The following TARDBP variants were observed in gnomAD, a reference collection of about 807,000 sequenced individuals.
TARDBP encodes the protein TAR DNA binding protein, also known as TAR DNA-binding protein 43.
A neutral mutation model predicts 38.3 loss-of-function variants in TARDBP; 4 were observed. The ratio of observed to expected loss-of-function variants is 0.10; its 90% confidence interval spans 0.05 to 0.24. The LOEUF (loss-of-function observed/expected upper bound fraction) is 0.24. TARDBP is among the 10% of genes least tolerant of loss of function. The probability of loss-of-function intolerance (pLI) is 1.00; values close to 1 mark genes in which losing one functional copy is unlikely to be tolerated. For missense variants in TARDBP, 202 were observed against 521.9 expected, an observed-to-expected ratio of 0.39 and a Z score of 5.97; for synonymous variants, 184 against 183.8, an observed-to-expected ratio of 1.00 and a Z score of -0.01.
At chr1:11,018,629 C>T (rs1643576304) in intron 3 of TARDBP, 104 bp from the exon 4 acceptor site, 1 of 1,529,242 alleles carries the variant, frequency 6.5e-7, no homozygotes, top group Non-Finnish European at 9.1e-7. Flanking sequence ...TAAGCCACTG[C>T]ATCCAGTTGA....
Position 11,014,327 on chromosome 1 carries a change from T to G in TARDBP, c.238+362T>G, listed in dbSNP as rs576470033. On this transcript the variant is annotated intron_variant, in intron 2 of 5. Transcript: ENST00000240185. ...TGTCCTTTTGGTGTTACATCATTCA[T>G]TCAGCAAATCTGAGTTCATTTTTTC... Among the ~76,000 whole-genome samples the G allele has an allele frequency of 3.2e-4, 48 of 152,364 alleles. No homozygotes were observed. The East Asian group carries it at 7.5e-3, about 24-fold the overall frequency.
chr1:11,013,640 G>C, intron 1 of TARDBP, 76 bp from the exon 2 acceptor site: 1 of 1,229,808 alleles, frequency 8.1e-7, no homozygotes, highest in Non-Finnish European at 1.2e-6. Context: ...ACTCTGACAT[G>C]GTTTGGGTAT....
chr1:11,018,414 C>G, intron 3 of TARDBP: 1 of 384,488 alleles, frequency 2.6e-6, no homozygotes, highest in Non-Finnish European at 4.9e-6. Flanking sequence ...GTCCTGAACT[C>G]CTGTGCTCAA....
At chr1:11,019,528 G>T (rs1643593591) in intron 4 of TARDBP, among the ~76,000 whole-genome samples, 1 of 152,128 alleles carries the variant, frequency 6.6e-6, no homozygotes, top group African/African-American at 2.4e-5. Context: ...CTAGATGTGG[G>T]GTAGGCTATG....
chr1:11,025,855 T>G (rs775856588), downstream of TARDBP: 5 of 154,844 alleles, frequency 3.2e-5, no homozygotes, highest in Non-Finnish European at 7.3e-5. Flanking sequence ...AGATAATGTG[T>G]AACAGTAAGA....
In TARDBP at chr1:11,024,273, A is replaced by G. The variant is rs887344237; in HGVS notation, c.*1619A>G. 6.6e-6 allele frequency: 1 copy of G among 152,210 alleles called. No individual in the cohort carries two copies. Among genetic ancestry groups the G allele is most frequent in the South Asian group, 2.1e-4 (1 of 4,824 alleles). 9.4% of individuals were successfully genotyped at this position (152,210 alleles called of 1,614,324 possible). ...ATTTGTTCTTGCATTGGCCAAAGTG[A>G]AAATTTTTTTTTTTCTTTTGAAATC... On this transcript the variant is annotated 3_prime_UTR_variant, in exon 6 of 6. Coordinates refer to ENST00000240185, the MANE Select transcript of TARDBP (RefSeq NM_007375.4).
At chr1:11,030,115 G>C, downstream of TARDBP, 1 of 1,240,382 alleles carries the variant, frequency 8.1e-7, no homozygotes, top group Non-Finnish European at 1.2e-6. Flanking sequence ...TCTCCTCACT[G>C]TCTCCTACCC....
downstream of TARDBP, chr1:11,026,418 A>G (rs1643732348): frequency 6.5e-6 from 1 of 152,954 alleles, no homozygotes; most frequent in South Asian, 2.1e-4. Flanking sequence ...ATTTTAGTCA[A>G]TACCTGGGCT....
intron 5 of TARDBP, among the ~76,000 whole-genome samples, chr1:11,021,523 C>T (rs376638557): frequency 6.6e-6 from 1 of 152,154 alleles, no homozygotes; most frequent in South Asian, 2.1e-4. Context: ...GGTGATCCAC[C>T]CCCCTCAGCC....
At chr1:11,027,127 A>ACC (rs1643748859), downstream of TARDBP, 1 of 1,612,538 alleles carries the variant, frequency 6.2e-7, no homozygotes, top group African/African-American at 1.3e-5. Context: ...CCCCTTGGAT[A>ACC]GGGTGGCTTT....
Position 11,020,557 on chromosome 1 carries a change from G to A in TARDBP, c.672G>A (p.Lys224=). The change falls in exon 5 of 6, where the codon AAG becomes AAA. Residue 224 remains lysine, a synonymous_variant. Coordinates refer to ENST00000240185, the MANE Select transcript of TARDBP (RefSeq NM_007375.4). ...YGDVMDVFIP[K]PFRAFAFVTF... Reference sequence around the variant, plus strand: ...ATGTGATGGATGTCTTCATCCCCAAGCCATTCAGGGCCTTTGCCTTTGTTA... The same window carrying A: ...ATGTGATGGATGTCTTCATCCCCAAACCATTCAGGGCCTTTGCCTTTGTTA... The A allele has an allele frequency of 6.2e-7, 1 of 1,613,914 alleles. No individual in the cohort carries two copies. The highest frequency in any genetic ancestry group is 8.5e-7 in the Non-Finnish European group (1 of 1,179,876).
Position 11,016,839 on chromosome 1 carries a change from T to A in TARDBP, c.239-5T>A. On this transcript the variant is annotated splice_polypyrimidine_tract_variant and splice_region_variant and intron_variant, in intron 2 of 5. Transcript: ENST00000240185. Reference sequence around the variant, plus strand: ...TTCTAAAAGGTTTCTGCTCGTTTTATTTAGATAACAAAAGAAAAATGGATG... The same window carrying A: ...TTCTAAAAGGTTTCTGCTCGTTTTAATTAGATAACAAAAGAAAAATGGATG... 6.2e-7 allele frequency: 1 copy of A among 1,613,868 alleles called. No homozygotes were observed. The highest frequency in any genetic ancestry group is 8.5e-7 in the Non-Finnish European group (1 of 1,179,984).
At position 11,022,004 on chromosome 1, in the gene TARDBP, A is replaced by G; in HGVS notation, c.715-120A>G. The stretch of plus-strand genomic sequence containing the variant: ...GGGGGTTTAAATGAAATGAGTGTTC[A>G]TTGCTTATTTTTCCTCTGGCTTTAG... On this transcript the variant is annotated intron_variant, in intron 5 of 5. Transcript: ENST00000240185. This position sits in a 1 kb window ranked among gnomAD's most constrained non-coding sequence, Gnocchi z 4.5. The G allele has an allele frequency of 4.3e-6, 5 of 1,169,380 alleles. No homozygotes were observed. Among genetic ancestry groups the G allele is most frequent in the East Asian group, 4.9e-5 (2 of 40,952 alleles). 72.4% of individuals were successfully genotyped at this position (1,169,380 alleles called of 1,614,324 possible). A position where few individuals can be genotyped will look rare whatever the true frequency, so the allele number is the denominator to read the frequency against.
Position 11,022,003 on chromosome 1 carries a change from C to A in TARDBP, c.715-121C>A. 8.7e-7 allele frequency: 1 copy of A among 1,150,308 alleles called. No homozygotes were observed. The allele number at this position is 1,150,308 out of a possible 1,614,324, so 71.3% of individuals were successfully genotyped here. The stretch of plus-strand genomic sequence containing the variant: ...TGGGGGTTTAAATGAAATGAGTGTT[C>A]ATTGCTTATTTTTCCTCTGGCTTTA... On this transcript the variant is annotated intron_variant, in intron 5 of 5. Coordinates refer to ENST00000240185, the MANE Select transcript of TARDBP (RefSeq NM_007375.4). The surrounding 1 kb of genome is among the most constrained non-coding windows in gnomAD (Gnocchi z 4.5).
At chr1:11,027,201 G>A, downstream of TARDBP, 1 of 1,614,140 alleles carries the variant, frequency 6.2e-7, no homozygotes, top group Non-Finnish European at 8.5e-7. Flanking sequence ...TAGATTTCTA[G>A]CAAGAAAACC....
Position 11,020,412 on chromosome 1 carries a change from C to T in TARDBP, c.544-17C>T, listed in dbSNP as rs117557248. The T allele has an allele frequency of 2.0e-4, 326 of 1,613,278 alleles. No homozygotes were observed. The African/African-American group carries it at 2.5e-3, about 12-fold the overall frequency. On this transcript the variant is annotated splice_polypyrimidine_tract_variant and intron_variant, in intron 4 of 5. Coordinates refer to ENST00000240185, the MANE Select transcript of TARDBP (RefSeq NM_007375.4). ...TAACATATTTCTGAGTTTTTTTCTT[C>T]CTTTTGATTTGATCAGCAAAGCCAA...
downstream of TARDBP, chr1:11,027,536 A>C: frequency 6.2e-7 from 1 of 1,614,180 alleles, no homozygotes; most frequent in Non-Finnish European, 8.5e-7. Context: ...ATAAAAGTGC[A>C]CCTGCTGCTG....
At chr1:11,027,898 T>C (rs1463747800), downstream of TARDBP, among the ~76,000 whole-genome samples, 2 of 152,208 alleles carry the variant, frequency 1.3e-5, no homozygotes, top group East Asian at 1.9e-4. Context: ...TTAGAAGTTA[T>C]TTTGTTTTGC....
chr1:11,017,202 C>CTTTT (rs61443822), intron 3 of TARDBP, among the ~76,000 whole-genome samples, 195 bp downstream of exon 3: 1 of 105,882 alleles, frequency 9.4e-6, no homozygotes, highest in Non-Finnish European at 2.0e-5. Context: ...TGTTACCTTT[C>CTTTT]TTTTTTTTTT....
Sources: gnomAD v4.1 joint callset for allele counts (sites outside exome capture counted in the v4.1 genomes callset) on GRCh38, gnomAD v4.1.1 for gene constraint, Gnocchi (gnomAD v3.1) non-coding constraint, MANE v1.5 for transcripts, NCBI Gene and HGNC (gene_info 2026-07-23, HGNC 2026-07-21) for gene names.